LYPLA1: variants seen among roughly 807,000 people sequenced by gnomAD.
The protein encoded by LYPLA1 is lysophospholipase 1, also known as acyl-protein thioesterase 1.
Under a neutral mutation model 34.0 loss-of-function variants are expected in LYPLA1, and 17 were observed. That is an observed-to-expected ratio of 0.50 (90% confidence interval 0.34 to 0.75). The LOEUF (loss-of-function observed/expected upper bound fraction) is 0.75. Among genes scored for constraint, LYPLA1 ranks in the 30% least tolerant of loss-of-function variants. The pLI, the probability that LYPLA1 is intolerant of heterozygous loss-of-function variation, is 0.01. For missense variants in LYPLA1, 203 were observed against 288.8 expected, an observed-to-expected ratio of 0.70 and a Z score of 2.15; for synonymous variants, 98 against 100.8, an observed-to-expected ratio of 0.97 and a Z score of 0.17.
chr8:54,101,537 G>C (rs1810153988), intron 1 of LYPLA1: 1 of 1,143,138 alleles, frequency 8.7e-7, no homozygotes, highest in Non-Finnish European at 1.1e-6. Flanking sequence ...CCGCAATGCA[G>C]GGAGGAGCTG....
intron 2 of LYPLA1, among the ~76,000 whole-genome samples, chr8:54,080,256 T>C (rs1808212471): frequency 6.6e-6 from 1 of 151,822 alleles, no homozygotes; most frequent in African/African-American, 2.4e-5. Flanking sequence ...CACGTACCTG[T>C]AGTCCAAGCT....
At chr8:54,044,035 G>A (rs965836647), downstream of LYPLA1, among the ~76,000 whole-genome samples, 3 of 152,070 alleles carry the variant, frequency 2.0e-5, no homozygotes, top group Admixed American at 6.6e-5. Context: ...GGGATTACAG[G>A]TGCACGCCAC....
In LYPLA1 at chr8:54,070,521, C is replaced by T. The variant is rs1256649024; in HGVS notation, c.102-4708G>A. Among the ~76,000 whole-genome samples the T allele has an allele frequency of 2.6e-5, 4 of 152,154 alleles. No individual in the cohort carries two copies. The East Asian group carries it at 5.8e-4, about 22-fold the overall frequency. On this transcript the variant is annotated intron_variant, in intron 2 of 8. Coordinates refer to ENST00000316963, the MANE Select transcript of LYPLA1 (RefSeq NM_006330.4). ...GGCAGATCACCTGAGGTCAGGGGTT[C>T]GAGACCAGCCTGGTCAACATGGTGA...
At chr8:54,091,929 A>G (rs939393432) in intron 2 of LYPLA1, among the ~76,000 whole-genome samples, 2 of 152,012 alleles carry the variant, frequency 1.3e-5, no homozygotes, top group African/African-American at 4.8e-5. Context: ...CTCTACAAAA[A>G]CTTTAAAAAA....
intron 2 of LYPLA1, among the ~76,000 whole-genome samples, chr8:54,099,079 C>A (rs1186725042): frequency 1.3e-5 from 2 of 151,298 alleles, no homozygotes; most frequent in Non-Finnish European, 2.9e-5. Flanking sequence ...ATAGTCTTCA[C>A]CATTTTTACT....
At chr8:54,086,606 G>A (rs914631791) in intron 2 of LYPLA1, among the ~76,000 whole-genome samples, 13 of 138,550 alleles carry the variant, frequency 9.4e-5, no homozygotes, top group South Asian at 2.5e-4. Flanking sequence ...GCTCACACTC[G>A]TAATCCAACA....
intron 8 of LYPLA1, among the ~76,000 whole-genome samples, chr8:54,049,382 A>G (rs368739216): frequency 1.4e-4 from 21 of 151,834 alleles, no homozygotes; most frequent in African/African-American, 4.6e-4. Flanking sequence ...TTCTCTCTCC[A>G]TCTCCTGTTT....
chr8:54,090,800 TAG>T (rs1362121953), intron 2 of LYPLA1, among the ~76,000 whole-genome samples: 1 of 152,048 alleles, frequency 6.6e-6, no homozygotes, highest in Non-Finnish European at 1.5e-5. Context: ...TGGGACCAGG[TAG>T]AGATAATTGA....
At chr8:54,055,000 G>T (rs147085721) in intron 6 of LYPLA1, 60 bp downstream of exon 6, 1 of 1,006,530 alleles carries the variant, frequency 9.9e-7, no homozygotes, top group Non-Finnish European at 1.6e-6. Flanking sequence ...AAGGATTAAT[G>T]CACAGACTTC....
At chr8:54,089,222 A>T (rs1001283853) in intron 2 of LYPLA1, among the ~76,000 whole-genome samples, 1 of 152,220 alleles carries the variant, frequency 6.6e-6, no homozygotes, top group Non-Finnish European at 1.5e-5. Context: ...TTATATCTCT[A>T]TAAGTACAGT....
At chr8:54,061,197 CG>C (rs1375864809) in intron 5 of LYPLA1, among the ~76,000 whole-genome samples, 2 of 151,990 alleles carry the variant, frequency 1.3e-5, no homozygotes, top group Non-Finnish European at 2.9e-5. Context: ...TCTCCTGCCT[CG>C]GCCTCCCAAG....
At chr8:54,067,570 T>C (rs1179965172) in intron 2 of LYPLA1, among the ~76,000 whole-genome samples, 1 of 152,162 alleles carries the variant, frequency 6.6e-6, no homozygotes, top group Admixed American at 6.5e-5. Context: ...ATGTTATACA[T>C]ATAGTTTCCT....
chr8:54,086,912 C>G (rs1808834958), intron 2 of LYPLA1, among the ~76,000 whole-genome samples: 1 of 152,068 alleles, frequency 6.6e-6, no homozygotes, highest in African/African-American at 2.4e-5. Flanking sequence ...ACTACCAAAC[C>G]AAATCTATCG....
chr8:54,044,601 C>T (rs1031911176), downstream of LYPLA1, among the ~76,000 whole-genome samples: 1 of 151,810 alleles, frequency 6.6e-6, no homozygotes, highest in Non-Finnish European at 1.5e-5. Context: ...TGGAAGGGGC[C>T]AGATTTTTTT....
chr8:54,084,039 G>A (rs1207428795), intron 2 of LYPLA1, among the ~76,000 whole-genome samples: 2 of 151,154 alleles, frequency 1.3e-5, no homozygotes, highest in Non-Finnish European at 2.9e-5. Context: ...TTGGGAGGCT[G>A]AGGCAGAGGA....
At chr8:54,072,881 G>A (rs756423395) in intron 2 of LYPLA1, among the ~76,000 whole-genome samples, 15 of 149,716 alleles carry the variant, frequency 1.0e-4, no homozygotes, top group Non-Finnish European at 1.6e-4. Flanking sequence ...TCAGGAGGCT[G>A]AGGCAGGAGA....
In LYPLA1 at chr8:54,101,918, G is replaced by A. The variant is rs1810200602; in HGVS notation, c.-95C>T. The A allele has an allele frequency of 1.3e-5, 9 of 677,014 alleles. No individual in the cohort carries two copies. In the East Asian group the frequency reaches 4.8e-4, roughly 36 times the overall value. 41.9% of individuals were successfully genotyped at this position (677,014 alleles called of 1,614,324 possible). Reference sequence around the variant, plus strand: ...GCGGCGAGTCCCGGCCGGCCCCACCGGGCGCACGCTCAGGCGCGTGCGCGC... The same window carrying A: ...GCGGCGAGTCCCGGCCGGCCCCACCAGGCGCACGCTCAGGCGCGTGCGCGC... On this transcript the variant is annotated 5_prime_UTR_variant, in exon 1 of 9. Transcript: ENST00000316963.
intron 5 of LYPLA1, among the ~76,000 whole-genome samples, chr8:54,059,996 C>A (rs2129330707): frequency 6.6e-6 from 1 of 152,310 alleles, no homozygotes; most frequent in South Asian, 2.1e-4. Flanking sequence ...CCACCTACAC[C>A]CACCCACACT....
intron 2 of LYPLA1, 156 bp downstream of exon 2, chr8:54,100,752 G>A (rs1349808075): frequency 1.6e-6 from 1 of 641,474 alleles, no homozygotes; most frequent in African/African-American, 1.9e-5. Context: ...AATTCTGAGG[G>A]TTTTCAAAAC....
Sources: gnomAD v4.1 joint callset for allele counts (sites outside exome capture counted in the v4.1 genomes callset) on GRCh38, gnomAD v4.1.1 for gene constraint, MANE v1.5 for transcripts, NCBI Gene and HGNC (gene_info 2026-07-23, HGNC 2026-07-21) for gene names.